Variants in PTPRD observed in about 807,000 individuals in gnomAD.
The protein encoded by PTPRD is receptor-type tyrosine-protein phosphatase delta.
Under a neutral mutation model 214.5 loss-of-function variants are expected in PTPRD, and 34 were observed. The ratio of observed to expected loss-of-function variants is 0.16; its 90% CI spans 0.12 to 0.21. The LOEUF is 0.21. Among genes scored for constraint, PTPRD ranks in the 10% least tolerant of loss-of-function variants. PTPRD has a pLI of 1.00. For synonymous variants in PTPRD, 1,128 were observed against 845.7 expected (o/e 1.33, Z -5.79); for missense variants, 2,545 against 2,398.7 (o/e 1.06, Z -1.27).
intron 9 of PTPRD, among the ~76,000 whole-genome samples, chr9:9,206,961 AC>A (rs2099945244): frequency 6.6e-6 from 1 of 152,200 alleles, no homozygotes; most frequent in Admixed American, 6.5e-5. Context: ...CCTCTAGAGA[AC>A]CCTGACTAAT....
intron 12 of PTPRD, among the ~76,000 whole-genome samples, chr9:8,722,576 CA>C (rs1430834887): frequency 6.6e-6 from 1 of 151,694 alleles, no homozygotes; most frequent in Non-Finnish European, 1.5e-5. Context: ...GGGACTTCAA[CA>C]AATCACTTAG....
chr9:10,268,363 T>C (rs2094216240), intron 3 of PTPRD, among the ~76,000 whole-genome samples: 4 of 151,360 alleles, frequency 2.6e-5, no homozygotes, highest in African/African-American at 9.7e-5. Flanking sequence ...GGCAGCATTT[T>C]TTATTTGTTA....
At chr9:9,337,618 G>A (rs544797176) in intron 9 of PTPRD, among the ~76,000 whole-genome samples, 1 of 152,080 alleles carries the variant, frequency 6.6e-6, no homozygotes, top group African/African-American at 2.4e-5. Flanking sequence ...CTGACAAATC[G>A]CATACGTGAA....
intron 14 of PTPRD, among the ~76,000 whole-genome samples, chr9:8,599,532 C>T (rs1418291765): frequency 4.7e-5 from 7 of 149,820 alleles, no homozygotes; most frequent in African/African-American, 1.7e-4. Context: ...AGTTACAAAA[C>T]ACAAAATTCA....
intron 11 of PTPRD, among the ~76,000 whole-genome samples, chr9:8,911,325 C>G (rs2098745613): frequency 6.6e-6 from 1 of 151,774 alleles, no homozygotes; most frequent in South Asian, 2.1e-4. Flanking sequence ...ACAAAAGTGC[C>G]AAGGCAATTC....
chr9:9,670,610 C>T (rs539476713), intron 7 of PTPRD, among the ~76,000 whole-genome samples: 2 of 152,196 alleles, frequency 1.3e-5, no homozygotes, highest in Non-Finnish European at 2.9e-5. Context: ...TGGGCCTGGC[C>T]CAGTGTCCTG....
intron 11 of PTPRD, among the ~76,000 whole-genome samples, chr9:8,811,408 A>G (rs771566658): frequency 1.3e-5 from 2 of 152,180 alleles, no homozygotes; most frequent in Non-Finnish European, 2.9e-5. Context: ...TAGGAGTACA[A>G]TAAAAATCTG....
chr9:10,103,209 T>G (rs1346985443), intron 3 of PTPRD, among the ~76,000 whole-genome samples: 1 of 151,472 alleles, frequency 6.6e-6, no homozygotes, highest in East Asian at 2.0e-4. Context: ...TATCTGCACA[T>G]GCTTTTAATT....
chr9:10,275,521 G>C (rs1460293853), intron 3 of PTPRD, among the ~76,000 whole-genome samples: 1 of 151,982 alleles, frequency 6.6e-6, no homozygotes, highest in African/African-American at 2.4e-5. Context: ...TCCATAACTG[G>C]TATTATAATC....
chr9:10,320,004 A>G (rs1186880857), intron 3 of PTPRD, among the ~76,000 whole-genome samples: 1 of 152,060 alleles, frequency 6.6e-6, no homozygotes, highest in Non-Finnish European at 1.5e-5. Flanking sequence ...TTCTAATAAA[A>G]TGCCTAAAAT....
rs2099622592 is a variant in PTPRD, at chr9:10,234,470, T to C, written c.-545+106493A>G. 3.9e-5 allele frequency among the ~76,000 whole-genome samples: 6 copies of C among 152,040 alleles called. No individual in the cohort carries two copies. In the South Asian group the frequency reaches 1.2e-3, roughly 32 times the overall value. ...TATTTTAGTTCATTAACTAGAGAAT[T>C]AAACCCTTAGAGGATAGGAAATGTT... On this transcript the variant is annotated intron_variant, in intron 3 of 45. Transcript: ENST00000381196.
intron 11 of PTPRD, among the ~76,000 whole-genome samples, chr9:9,001,900 T>C (rs987536892): frequency 3.3e-5 from 5 of 151,330 alleles, no homozygotes; most frequent in Non-Finnish European, 7.4e-5. Flanking sequence ...ATTGTTCTCA[T>C]GCAATAAGCA....
At chr9:8,853,282 C>G (rs972633079) in intron 11 of PTPRD, among the ~76,000 whole-genome samples, 1 of 152,076 alleles carries the variant, frequency 6.6e-6, no homozygotes, top group African/African-American at 2.4e-5. Flanking sequence ...ACTTATGACG[C>G]AAAGAAAATG....
At chr9:9,714,727 C>A (rs752903515) in intron 7 of PTPRD, among the ~76,000 whole-genome samples, 7 of 152,058 alleles carry the variant, frequency 4.6e-5, no homozygotes, top group Non-Finnish European at 7.4e-5. Context: ...GAGTTCTCTG[C>A]TGATGGTGGG....
chr9:10,351,997 G>T (rs570786536), intron 2 of PTPRD, among the ~76,000 whole-genome samples: 1 of 151,982 alleles, frequency 6.6e-6, no homozygotes, highest in Non-Finnish European at 1.5e-5. Context: ...GCATTGATAG[G>T]TAAATCCTAT....
chr9:9,358,349 G>C, intron 9 of PTPRD, among the ~76,000 whole-genome samples: 1 of 150,898 alleles, frequency 6.6e-6, no homozygotes, highest in East Asian at 1.9e-4. Context: ...ATTCTTTTTG[G>C]TGCTTTAAAA....
intron 2 of PTPRD, among the ~76,000 whole-genome samples, chr9:10,493,399 A>T (rs2041001097): frequency 6.6e-6 from 1 of 152,118 alleles, no homozygotes; most frequent in Non-Finnish European, 1.5e-5. Flanking sequence ...ACCAAAACAG[A>T]TATATAGACC....
intron 8 of PTPRD, among the ~76,000 whole-genome samples, chr9:9,547,556 T>C (rs2079088170): frequency 6.6e-6 from 1 of 152,012 alleles, no homozygotes; most frequent in South Asian, 2.1e-4. Context: ...GTAGAGTGTG[T>C]GATTCAGTGA....
At chr9:9,782,847 G>A (rs934165482) in intron 5 of PTPRD, among the ~76,000 whole-genome samples, 2 of 152,128 alleles carry the variant, frequency 1.3e-5, no homozygotes, top group African/African-American at 2.4e-5. Context: ...TCATCTTACT[G>A]TTTTGTGATT....
Sources: allele counts gnomAD v4.1 joint callset (sites outside exome capture counted in the v4.1 genomes callset), GRCh38; gene constraint gnomAD v4.1.1; transcripts MANE v1.5; gene names NCBI Gene and HGNC (gene_info 2026-07-23, HGNC 2026-07-21).